HKDC1: variants seen among roughly 807,000 people sequenced by gnomAD.
HKDC1 encodes hexokinase domain containing 1.
A neutral mutation model predicts 96.6 loss-of-function variants in HKDC1; 66 were observed. That is an observed-to-expected ratio of 0.68 (90% CI 0.56 to 0.84). HKDC1 has a LOEUF of 0.84. HKDC1 is among the 40% of genes least tolerant of loss of function. HKDC1 has a pLI of 0.00. For missense variants in HKDC1, 1,211 were observed against 1,208.1 expected (o/e 1.00, Z -0.04); for synonymous variants, 466 against 473.1 (o/e 0.98, Z 0.20).
intron 12 of HKDC1, among the ~76,000 whole-genome samples, chr10:69,254,567 A>G (rs1043081491): frequency 2.6e-5 from 4 of 152,198 alleles, no homozygotes; most frequent in Non-Finnish European, 5.9e-5. Flanking sequence ...GACCTTGGGC[A>G]AGTCATTTAA....
chr10:69,221,035 A>G (rs1843053947), intron 1 of HKDC1, among the ~76,000 whole-genome samples: 1 of 152,082 alleles, frequency 6.6e-6, no homozygotes, highest in African/African-American at 2.4e-5. Flanking sequence ...CTGTAATCCC[A>G]TCTACTCGGG....
At chr10:69,226,903 C>T (rs1843166879) in intron 1 of HKDC1, among the ~76,000 whole-genome samples, 1 of 152,072 alleles carries the variant, frequency 6.6e-6, no homozygotes, top group East Asian at 1.9e-4. Context: ...AACCCTGAAT[C>T]CTTCTTAGTT....
rs764281687 is a variant in HKDC1, at chr10:69,240,721, G to A, written c.661G>A (p.Asp221Asn). The change falls in exon 6 of 18, where the codon GAC becomes AAC. Residue 221 changes from aspartate to asparagine, a missense_variant. Asp to Asn is a conservative substitution (Grantham distance 23). Transcript: ENST00000354624. ...VGTMMTCAYDDPYCEVGVIIG... is the reference protein window; with the variant it reads ...VGTMMTCAYDNPYCEVGVIIG... The stretch of plus-strand genomic sequence containing the variant: ...GACCATGATGACCTGTGCCTATGAC[G>A]ACCCCTACTGCGAAGTTGGTGTCAT... The A allele has an allele frequency of 9.3e-6, 15 of 1,613,884 alleles. No individual in the cohort carries two copies. The highest frequency in any genetic ancestry group is 4.4e-5 in the South Asian group (4 of 91,062).
rs1038894001 is a variant in HKDC1, at chr10:69,262,211, G to A, written c.2372+917G>A. ...GGTGTAATTATCATTTTGAATGGCT[G>A]CATATTATACTATGTTACTGTACTA... On this transcript the variant is annotated intron_variant, in intron 16 of 17. Coordinates refer to ENST00000354624, the MANE Select transcript of HKDC1 (RefSeq NM_025130.4). 1.4e-4 allele frequency: 41 copies of A among 287,038 alleles called. 1 individual carries two copies. In the Admixed American group the frequency reaches 1.9e-3, roughly 13 times the overall value. The allele number at this position is 287,038 out of a possible 1,614,324, so 17.8% of individuals were successfully genotyped here.
rs146839444 is a variant in HKDC1, at chr10:69,240,691, G to A, written c.631G>A (p.Val211Met). ...CATCCTGGCCCTGGTCAATGACACC[G>A]TGGGGACCATGATGACCTGTGCCTA... ...VDILALVNDT[V>M]GTMMTCAYDD... Residue 211 changes from valine (V) to methionine (M), a missense_variant, in exon 6 of 18, where the codon GTG becomes ATG. Coordinates refer to ENST00000354624, the MANE Select transcript of HKDC1 (RefSeq NM_025130.4). 6.2e-6 allele frequency: 10 copies of A among 1,613,958 alleles called. No individual in the cohort carries two copies. Among genetic ancestry groups the A allele is most frequent in the Non-Finnish European group, 8.5e-6 (10 of 1,179,984 alleles).
intron 15 of HKDC1, among the ~76,000 whole-genome samples, 195 bp from the exon 16 acceptor site, chr10:69,260,944 T>G (rs1453931076): frequency 6.6e-6 from 1 of 152,072 alleles, no homozygotes; most frequent in Non-Finnish European, 1.5e-5. Flanking sequence ...CTCCTAACAG[T>G]CTTGTAGGGG....
In HKDC1 at chr10:69,220,356, C is replaced by T. The variant is rs978458472; in HGVS notation, c.-80C>T. The stretch of plus-strand genomic sequence containing the variant: ...GAGGTCTGCCAGCCTGGACTGGAAG[C>T]GTGCAACACTCCAGAGTCGTAGGAG... On this transcript the variant is annotated 5_prime_UTR_variant, in exon 1 of 18. Transcript: ENST00000354624. The T allele has an allele frequency of 7.5e-6, 8 of 1,072,240 alleles. No individual in the cohort carries two copies. The highest frequency in any genetic ancestry group is 4.9e-5 in the African/African-American group (3 of 61,340). The allele number at this position is 1,072,240 out of a possible 1,614,324, so 66.4% of individuals were successfully genotyped here. A position where few individuals can be genotyped will look rare whatever the true frequency, so the allele number is the denominator to read the frequency against.
At chr10:69,232,516 C>T (rs775885334) in intron 2 of HKDC1, 6 of 527,674 alleles carry the variant, frequency 1.1e-5, no homozygotes, top group East Asian at 3.3e-5. Context: ...CATGCACATT[C>T]CTACAGCATG....
At chr10:69,265,530 G>T in intron 16 of HKDC1, 55 bp from the exon 17 acceptor site, 2 of 1,489,094 alleles carry the variant, frequency 1.3e-6, no homozygotes. Flanking sequence ...GTCACACTGG[G>T]CACATCCCGG....
At chr10:69,235,145 G>A (rs1212835773) in intron 4 of HKDC1, among the ~76,000 whole-genome samples, 1 of 152,164 alleles carries the variant, frequency 6.6e-6, no homozygotes, top group Non-Finnish European at 1.5e-5. Flanking sequence ...CAAGCAGCCA[G>A]ATGCGGTGGT....
At chr10:69,221,106 C>T (rs10998652) in intron 1 of HKDC1, among the ~76,000 whole-genome samples, 40,490 of 151,770 alleles carry the variant, frequency 0.27, 6,155 homozygotes, top group Non-Finnish European at 0.35. Flanking sequence ...GCCGAGATCG[C>T]GCCATTGCAC....
intron 1 of HKDC1, among the ~76,000 whole-genome samples, chr10:69,225,255 A>G (rs572499258): frequency 1.1e-4 from 17 of 152,322 alleles, no homozygotes; most frequent in Admixed American, 6.5e-4. Context: ...CAGTAGGTTC[A>G]GGGGCACTGT....
intron 15 of HKDC1, among the ~76,000 whole-genome samples, chr10:69,260,538 G>A (rs537655440): frequency 6.6e-6 from 1 of 152,240 alleles, no homozygotes; most frequent in Admixed American, 6.5e-5. Context: ...ATTCCCTTAG[G>A]CTGATGAGGT....
rs1843901905 is a variant in HKDC1, at chr10:69,266,559, G to A, written c.2607-51G>A. 3.8e-6 allele frequency: 6 copies of A among 1,577,940 alleles called. 1 individual carries two copies. In the South Asian group the frequency reaches 4.5e-5, roughly 12 times the overall value. On this transcript the variant is annotated intron_variant, in intron 17 of 17. Transcript: ENST00000354624. ...AATTAGATTATGATCATTTATAAAT[G>A]TTCTGATTCTACATGGAAGGGCTGA...
chr10:69,245,944 T>C, intron 7 of HKDC1, 135 bp from the exon 8 acceptor site: 2 of 1,102,196 alleles, frequency 1.8e-6, no homozygotes, highest in South Asian at 1.5e-5. Flanking sequence ...CATCCAGCAC[T>C]TTGCGAGAAG....
chr10:69,250,724 A>G (rs1843628889), intron 12 of HKDC1, 72 bp downstream of exon 12: 3 of 1,551,960 alleles, frequency 1.9e-6, no homozygotes, highest in East Asian at 4.5e-5. Flanking sequence ...TCTCCAGGTA[A>G]CTCCCAGCCT....
At chr10:69,249,549 G>A (rs1447225427) in intron 10 of HKDC1, among the ~76,000 whole-genome samples, 1 of 152,188 alleles carries the variant, frequency 6.6e-6, no homozygotes, top group Non-Finnish European at 1.5e-5. Context: ...AGGCTGGAGT[G>A]CAGTAGCGTG....
rs749837145 is a variant in HKDC1, at chr10:69,233,130, A to G, written c.492A>G (p.Glu164=). ...FSFPCRQTKL[E]EGVLLSWTKK... is the part of the protein sequence containing the mutation. ...TCCCCTGTCGACAGACTAAACTGGA[A>G]GAGGTAAGGCGCGGAGGGAAGCAGC... is the stretch of plus-strand genomic sequence containing the variant. Residue 164 remains glutamate (E), a synonymous_variant, in exon 4 of 18, where the codon GAA becomes GAG. Transcript: ENST00000354624. The G allele has an allele frequency of 1.2e-6, 2 of 1,613,824 alleles. No individual in the cohort carries two copies. Among genetic ancestry groups the G allele is most frequent in the Admixed American group, 3.3e-5 (2 of 60,006 alleles).
chr10:69,252,538 G>A (rs976694553), intron 12 of HKDC1, among the ~76,000 whole-genome samples: 12 of 151,640 alleles, frequency 7.9e-5, no homozygotes, highest in Non-Finnish European at 1.6e-4. Flanking sequence ...CCCAGCACTT[G>A]GGAGGCTGAG....
Sources: allele counts gnomAD v4.1 joint callset (sites outside exome capture counted in the v4.1 genomes callset), GRCh38; gene constraint gnomAD v4.1.1; transcripts MANE v1.5; gene names NCBI Gene and HGNC (gene_info 2026-07-23, HGNC 2026-07-21).